Variants in CPQ observed in about 807,000 individuals in gnomAD.
CPQ encodes carboxypeptidase Q.
In CPQ, 37 loss-of-function variants were observed where a neutral mutation model predicts 45.7. That is an observed-to-expected ratio of 0.81 (90% CI 0.62 to 1.07). The LOEUF is 1.07. CPQ is among the 50% of genes least tolerant of loss of function. CPQ has a pLI of 0.00. For synonymous variants in CPQ, 186 were observed against 205.8 expected (o/e 0.90, Z 0.82); for missense variants, 537 against 572.9 (o/e 0.94, Z 0.64).
intron 5 of CPQ, among the ~76,000 whole-genome samples, chr8:96,981,870 C>A (rs900601690): frequency 1.3e-5 from 2 of 152,092 alleles, no homozygotes; most frequent in African/African-American, 4.8e-5. Context: ...TCCTCAAAGC[C>A]GCCCTGTAAG....
intron 7 of CPQ, among the ~76,000 whole-genome samples, chr8:97,081,770 AC>A (rs1159466167): frequency 6.6e-6 from 1 of 152,146 alleles, no homozygotes; most frequent in East Asian, 1.9e-4. Flanking sequence ...CTGACATATA[AC>A]TTTGACATTA....
At chr8:96,764,458 A>C (rs1294716993) in intron 1 of CPQ, among the ~76,000 whole-genome samples, 1 of 152,212 alleles carries the variant, frequency 6.6e-6, no homozygotes, top group Non-Finnish European at 1.5e-5. Flanking sequence ...ATATTCATTC[A>C]GTTAAGGAAC....
At chr8:96,670,982 A>T (rs983701341) in intron 1 of CPQ, among the ~76,000 whole-genome samples, 1 of 152,134 alleles carries the variant, frequency 6.6e-6, no homozygotes, top group Admixed American at 6.6e-5. Context: ...TCTCAATGGC[A>T]GTATCCTGCT....
At chr8:96,813,149 T>C (rs1586410663) in intron 2 of CPQ, among the ~76,000 whole-genome samples, 1 of 152,258 alleles carries the variant, frequency 6.6e-6, no homozygotes, top group South Asian at 2.1e-4. Context: ...TAGAACCTGG[T>C]TCCAATCTTA....
At chr8:96,929,329 T>A (rs1812940418) in intron 4 of CPQ, among the ~76,000 whole-genome samples, 1 of 152,204 alleles carries the variant, frequency 6.6e-6, no homozygotes, top group African/African-American at 2.4e-5. Flanking sequence ...TGAGGAGGAA[T>A]GTTGGAAGAT....
Position 96,760,249 on chromosome 8 carries a change from G to GT in CPQ, c.-34-24614dup, listed in dbSNP as rs1810382655. Among the ~76,000 whole-genome samples, 3 of 152,336 alleles carry GT rather than the reference G, an allele frequency of 2.0e-5. No homozygotes were observed. In the South Asian group the frequency reaches 6.2e-4, roughly 32 times the overall value. On this transcript the variant is annotated intron_variant, in intron 1 of 7. Coordinates refer to ENST00000220763, the MANE Select transcript of CPQ (RefSeq NM_016134.4). Reference sequence around the variant, plus strand: ...TGTATGGATCAGAAAGGCAGAGAAAGTGAAGGGACTAATATTTACTGAATG... The same window carrying GT: ...TGTATGGATCAGAAAGGCAGAGAAAGTTGAAGGGACTAATATTTACTGAATG...
chr8:96,652,671 C>A (rs533432387), intron 1 of CPQ, among the ~76,000 whole-genome samples: 1 of 152,126 alleles, frequency 6.6e-6, no homozygotes, highest in African/African-American at 2.4e-5. Context: ...CTTGCTCTAT[C>A]GCCCAAGCTG....
At chr8:96,962,910 T>C (rs971622376) in intron 4 of CPQ, among the ~76,000 whole-genome samples, 6 of 152,164 alleles carry the variant, frequency 3.9e-5, no homozygotes, top group African/African-American at 1.2e-4. Flanking sequence ...TTTTCTGATT[T>C]AAAAAAATAT....
At chr8:96,980,207 A>G (rs1161436317) in intron 5 of CPQ, among the ~76,000 whole-genome samples, 1 of 152,196 alleles carries the variant, frequency 6.6e-6, no homozygotes, top group Non-Finnish European at 1.5e-5. Flanking sequence ...ATCTTGGCTC[A>G]CTGCAACCTC....
intron 3 of CPQ, among the ~76,000 whole-genome samples, chr8:96,871,960 A>G (rs1386972623): frequency 1.3e-5 from 2 of 151,910 alleles, no homozygotes; most frequent in African/African-American, 4.8e-5. Flanking sequence ...CCAAAGCAAA[A>G]TAACCAAAAC....
At chr8:96,925,053 G>T (rs1488446087) in intron 4 of CPQ, among the ~76,000 whole-genome samples, 1 of 152,128 alleles carries the variant, frequency 6.6e-6, no homozygotes, top group Non-Finnish European at 1.5e-5. Flanking sequence ...ATCCACTTGG[G>T]ATTTATACCC....
intron 7 of CPQ, among the ~76,000 whole-genome samples, chr8:97,117,483 G>C (rs1322378771): frequency 3.9e-5 from 6 of 152,046 alleles, no homozygotes; most frequent in African/African-American, 1.4e-4. Context: ...ATAGAGCTAG[G>C]AGAGACCCTA....
intron 6 of CPQ, among the ~76,000 whole-genome samples, chr8:97,061,809 C>T (rs984219634): frequency 6.6e-6 from 1 of 152,140 alleles, no homozygotes; most frequent in Non-Finnish European, 1.5e-5. Context: ...AGTAATGCTA[C>T]TGTTTACCAA....
At chr8:96,737,052 A>C (rs1809992241) in intron 1 of CPQ, among the ~76,000 whole-genome samples, 1 of 151,690 alleles carries the variant, frequency 6.6e-6, no homozygotes, top group Non-Finnish European at 1.5e-5. Context: ...TTTGCAAAGA[A>C]CCAATATTTG....
chr8:97,131,864 CCA>C (rs762519070), intron 7 of CPQ, among the ~76,000 whole-genome samples: 33 of 152,248 alleles, frequency 2.2e-4, no homozygotes, highest in Admixed American at 6.5e-4. Context: ...AACAATAATA[CCA>C]GTCCGTAAGT....
chr8:96,872,634 A>G (rs1812086427), intron 3 of CPQ, among the ~76,000 whole-genome samples: 1 of 151,912 alleles, frequency 6.6e-6, no homozygotes, highest in East Asian at 1.9e-4. Context: ...TGCAAATAAA[A>G]GAAAACTCGA....
chr8:96,691,669 AGCG>A (rs1445114620), intron 1 of CPQ, among the ~76,000 whole-genome samples: 15 of 152,196 alleles, frequency 9.9e-5, no homozygotes, highest in Admixed American at 5.2e-4. Context: ...CAAAAAATAA[AGCG>A]GAGTCATTTT....
intron 2 of CPQ, among the ~76,000 whole-genome samples, chr8:96,829,076 GTC>G (rs1397122959): frequency 6.6e-6 from 1 of 152,066 alleles, no homozygotes; most frequent in African/African-American, 2.4e-5. Flanking sequence ...AATAACAAAA[GTC>G]TCTGTATAAA....
At chr8:96,757,935 G>A (rs1042367155) in intron 1 of CPQ, among the ~76,000 whole-genome samples, 1 of 151,936 alleles carries the variant, frequency 6.6e-6, no homozygotes, top group Non-Finnish European at 1.5e-5. Context: ...TTCACTTGCC[G>A]TTCACACATT....
Sources: allele counts gnomAD v4.1 joint callset (sites outside exome capture counted in the v4.1 genomes callset), GRCh38; gene constraint gnomAD v4.1.1; transcripts MANE v1.5; gene names NCBI Gene and HGNC (gene_info 2026-07-23, HGNC 2026-07-21).